NAV2: variants seen among roughly 807,000 people sequenced by gnomAD.
NAV2 encodes the protein helicase, APC down-regulated 1.
In NAV2, 54 loss-of-function variants were observed where a neutral mutation model predicts 223.2. The observed-to-expected ratio is 0.24, with a 90% CI of 0.19 to 0.30. NAV2 has a LOEUF of 0.30. NAV2 is among the 10% of genes least tolerant of loss of function. The pLI, the probability that NAV2 is intolerant of heterozygous loss-of-function variation, is 1.00. For missense variants in NAV2, 2,806 were observed against 3,147.5 expected (o/e 0.89, Z 2.60); for synonymous variants, 1,279 against 1,239.3 (o/e 1.03, Z -0.67).
chr11:19,530,082 G>A (rs759211268), intron 1 of NAV2, among the ~76,000 whole-genome samples: 1 of 152,134 alleles, frequency 6.6e-6, no homozygotes, highest in Admixed American at 6.5e-5. Flanking sequence ...GAAGTCCCCT[G>A]AGCAAGTCAC....
In NAV2 at chr11:20,082,217, C is replaced by G. The variant is rs375382163; in HGVS notation, c.5326-790C>G. ...CAGTGTGACAGTGAAGCTAGAATTG[C>G]TCAAAAAGAAGACATCCTCTCCAAC... On this transcript the variant is annotated intron_variant, in intron 25 of 37. Transcript: ENST00000349880. Among the ~76,000 whole-genome samples the G allele has an allele frequency of 5.3e-5, 8 of 152,232 alleles. No homozygotes were observed. The East Asian group carries it at 1.5e-3, about 29-fold the overall frequency.
chr11:19,532,156 G>A (rs1017501659), intron 1 of NAV2, among the ~76,000 whole-genome samples: 1 of 152,160 alleles, frequency 6.6e-6, no homozygotes. Flanking sequence ...CCAGTGGAAA[G>A]TTGGGCAGTG....
chr11:20,096,312 G>T (rs74535464), intron 30 of NAV2, among the ~76,000 whole-genome samples: 1 of 152,192 alleles, frequency 6.6e-6, no homozygotes, highest in African/African-American at 2.4e-5. Flanking sequence ...ATTAGATTGG[G>T]TGTTTGCCAT....
chr11:19,879,178 C>A (rs1036760816), intron 4 of NAV2, among the ~76,000 whole-genome samples: 6 of 152,188 alleles, frequency 3.9e-5, no homozygotes, highest in African/African-American at 1.4e-4. Context: ...TTCTCCTCTG[C>A]AACTCTTTAT....
intron 1 of NAV2, among the ~76,000 whole-genome samples, chr11:19,406,787 T>A (rs1178462191): frequency 6.6e-6 from 1 of 152,196 alleles, no homozygotes; most frequent in Non-Finnish European, 1.5e-5. Context: ...AACTCACCCA[T>A]GAATGCAGCA....
Position 20,118,220 on chromosome 11 carries a change from G to A in NAV2, c.7252G>A (p.Asp2418Asn), listed in dbSNP as rs376495913. The change falls in exon 38 of 38, where the codon GAT (aspartate) becomes AAT (asparagine). Residue 2418 changes from aspartate (D) to asparagine (N), a missense_variant. Physicochemically the swap from Asp to Asn is conservative, Grantham distance 23 (BLOSUM62 1). Transcript: ENST00000349880. The stretch of plus-strand genomic sequence containing the variant: ...CGACTCCAACAGCAACAGCCATCAC[G>A]ATGACATCTTGGACTCCTCTTTGGA... ...DSDSNSNSHH[D>N]DILDSSLEST... The A allele has an allele frequency of 1.6e-5, 26 of 1,613,920 alleles. No individual in the cohort carries two copies. Among genetic ancestry groups the A allele is most frequent in the African/African-American group, 2.7e-5 (2 of 74,908 alleles).
rs761258166 is a variant in NAV2 at position 20,044,191 on chromosome 11, G to C, written c.3118G>C (p.Gly1040Arg). 19 of 1,614,112 alleles carry C rather than the reference G, an allele frequency of 1.2e-5. No homozygotes were observed. The highest frequency in any genetic ancestry group is 1.5e-5 in the Non-Finnish European group (18 of 1,180,050). The change falls in exon 13 of 38, where the codon GGC becomes CGC. Residue 1040 changes from glycine (G) to arginine (R), a missense_variant. Gly to Arg is a moderately radical substitution (Grantham distance 125, BLOSUM62 -2). Coordinates refer to ENST00000349880, the MANE Select transcript of NAV2 (RefSeq NM_145117.5). ...CTCCCAGACAGGCTCATGGCGGCGA[G>C]GCATGACAGCTCAGGTGGGCATCAC... The part of the protein sequence containing the change: ...VISQTGSWRR[G>R]MTAQVGITMP...
At position 19,992,716 on chromosome 11, in the gene NAV2, T is replaced by C. The variant is rs531075647; in HGVS notation, c.2768+8469T>C. Among the ~76,000 whole-genome samples, 22 of 151,456 alleles carry C rather than the reference T, an allele frequency of 1.5e-4. No individual in the cohort carries two copies. The East Asian group carries it at 4.3e-3, about 30-fold the overall frequency. On this transcript the variant is annotated intron_variant, in intron 11 of 37. Coordinates refer to ENST00000349880, the MANE Select transcript of NAV2 (RefSeq NM_145117.5). ...GATTCTTCTGCCTCAGCCTCCTGAG[T>C]AGCTGGGATTACAGGTGCACACCAC... is the stretch of plus-strand genomic sequence containing the variant.
intron 11 of NAV2, among the ~76,000 whole-genome samples, chr11:19,990,040 T>C (rs752337464): frequency 6.6e-6 from 1 of 152,124 alleles, no homozygotes; most frequent in African/African-American, 2.4e-5. Flanking sequence ...ATGATTCACA[T>C]TAAGAGGAAA....
chr11:19,932,918 T>G (rs530791595), intron 6 of NAV2, among the ~76,000 whole-genome samples: 1 of 152,330 alleles, frequency 6.6e-6, no homozygotes, highest in African/African-American at 2.4e-5. Flanking sequence ...TAAGATTTGT[T>G]AAGACCTGCA....
chr11:19,365,655 G>A (rs1848252649), intron 1 of NAV2, among the ~76,000 whole-genome samples: 1 of 152,180 alleles, frequency 6.6e-6, no homozygotes, highest in Non-Finnish European at 1.5e-5. Context: ...GCTAGAGGGT[G>A]GAGATTGAGT....
In NAV2 at chr11:19,386,806, C is replaced by T. The variant is rs374722527; in HGVS notation, c.75+35779C>T. 1.3e-4 allele frequency among the ~76,000 whole-genome samples: 20 copies of T among 152,122 alleles called. No homozygotes were observed. In the South Asian group the frequency reaches 2.9e-3, roughly 22 times the overall value. On this transcript the variant is annotated intron_variant, in intron 1 of 37. Coordinates refer to the NAV2 transcript ENST00000360655. ...GTAAAGGGTAAAACAAGTGGGAGCA[C>T]GGACATGATATTCAGAAATAATTTC... is the stretch of plus-strand genomic sequence containing the variant.
intron 1 of NAV2, among the ~76,000 whole-genome samples, chr11:19,410,308 T>C (rs1028850821): frequency 6.6e-6 from 1 of 152,226 alleles, no homozygotes; most frequent in African/African-American, 2.4e-5. Flanking sequence ...CTGGTTTCCA[T>C]CTAAGCCCTG....
intron 1 of NAV2, among the ~76,000 whole-genome samples, chr11:19,358,124 G>C (rs186408087): frequency 1.0e-3 from 153 of 152,164 alleles, no homozygotes; most frequent in African/African-American, 3.3e-3. Context: ...CCATCCTCAG[G>C]GCATTAATTT....
intron 1 of NAV2, among the ~76,000 whole-genome samples, chr11:19,648,738 A>G (rs1242751838): frequency 6.6e-6 from 1 of 152,222 alleles, no homozygotes; most frequent in African/African-American, 2.4e-5. Flanking sequence ...AATGTCAAAC[A>G]TATATCTGTC....
At chr11:19,524,368 G>C (rs2043778090) in intron 1 of NAV2, among the ~76,000 whole-genome samples, 1 of 152,226 alleles carries the variant, frequency 6.6e-6, no homozygotes, top group African/African-American at 2.4e-5. Flanking sequence ...CAGGGAATGG[G>C]ACACAGTACT....
intron 1 of NAV2, among the ~76,000 whole-genome samples, chr11:19,632,802 T>A (rs1487596545): frequency 6.6e-6 from 1 of 152,240 alleles, no homozygotes; most frequent in Non-Finnish European, 1.5e-5. Flanking sequence ...ACATGCTCCA[T>A]CTAACTAGGA....
At chr11:19,803,289 A>G (rs1287701324) in intron 1 of NAV2, among the ~76,000 whole-genome samples, 2 of 152,206 alleles carry the variant, frequency 1.3e-5, no homozygotes, top group Non-Finnish European at 2.9e-5. Context: ...AGAGCGCATC[A>G]GCTTTGTCTT....
intron 28 of NAV2, 83 bp downstream of exon 28, chr11:20,092,451 G>T (rs1016857467): frequency 7.1e-7 from 1 of 1,402,902 alleles, no homozygotes; most frequent in African/African-American, 1.4e-5. Context: ...AAAATAAGCA[G>T]ATCAACAGAT....
Sources: allele counts gnomAD v4.1 joint callset (sites outside exome capture counted in the v4.1 genomes callset), GRCh38; gene constraint gnomAD v4.1.1; transcripts MANE v1.5; gene names NCBI Gene and HGNC (gene_info 2026-07-23, HGNC 2026-07-21).